ME3: variants seen among roughly 807,000 people sequenced by gnomAD.
The protein encoded by ME3 is NADP-dependent malic enzyme, mitochondrial.
A neutral mutation model predicts 68.9 loss-of-function variants in ME3; 48 were observed. That is an observed-to-expected ratio of 0.70 (90% CI 0.55 to 0.89). The LOEUF is 0.89. Among genes scored for constraint, ME3 ranks in the 40% least tolerant of loss-of-function variants. The probability of loss-of-function intolerance (pLI) is 0.00; values close to 1 mark genes in which losing one functional copy is unlikely to be tolerated. For missense variants in ME3, 675 were observed against 797.4 expected (o/e 0.85, Z 1.85); for synonymous variants, 320 against 318.8 (o/e 1.00, Z -0.04).
chr11:86,471,234 C>G (rs1950770449), intron 7 of ME3, among the ~76,000 whole-genome samples: 1 of 136,702 alleles, frequency 7.3e-6, no homozygotes, highest in Non-Finnish European at 1.5e-5. Context: ...CTCCCGGGTT[C>G]AAGCAATTCT....
chr11:86,630,399 G>C (rs1347314811), intron 2 of ME3, among the ~76,000 whole-genome samples: 5 of 152,172 alleles, frequency 3.3e-5, no homozygotes, highest in East Asian at 1.9e-4. Flanking sequence ...TTGGTCTCCA[G>C]AGCCTCTCCT....
At chr11:86,618,720 T>C (rs1447847662) in intron 2 of ME3, among the ~76,000 whole-genome samples, 1 of 114,370 alleles carries the variant, frequency 8.7e-6, no homozygotes, top group African/African-American at 3.2e-5. Context: ...AGATCTGGTC[T>C]TTTTTTTTTT....
chr11:86,508,716 A>G, intron 5 of ME3, 76 bp downstream of exon 5: 1 of 1,364,094 alleles, frequency 7.3e-7, no homozygotes, highest in Non-Finnish European at 1.0e-6. Context: ...CTCATTTTAT[A>G]GATGGAAATG....
At chr11:86,620,808 T>C (rs1943300229) in intron 2 of ME3, among the ~76,000 whole-genome samples, 1 of 152,224 alleles carries the variant, frequency 6.6e-6, no homozygotes, top group African/African-American at 2.4e-5. Flanking sequence ...TCAAATATTT[T>C]AAAATTCAGA....
At chr11:86,661,380 G>T (rs1306511671) in intron 2 of ME3, among the ~76,000 whole-genome samples, 7 of 152,218 alleles carry the variant, frequency 4.6e-5, no homozygotes, top group Non-Finnish European at 1.5e-5. Context: ...CAGGCATTGT[G>T]CAACACAAAA....
chr11:86,473,230 C>T (rs75939173), intron 7 of ME3, among the ~76,000 whole-genome samples: 10 of 152,152 alleles, frequency 6.6e-5, no homozygotes, highest in African/African-American at 1.4e-4. Flanking sequence ...CGCAATGGGC[C>T]GTGGTCGGGA....
At chr11:86,541,251 T>A (rs1328624085) in intron 4 of ME3, among the ~76,000 whole-genome samples, 1 of 152,130 alleles carries the variant, frequency 6.6e-6, no homozygotes, top group South Asian at 2.1e-4. Context: ...GGTGTTTTTT[T>A]TTTCATACCC....
intron 10 of ME3, among the ~76,000 whole-genome samples, 178 bp downstream of exon 10, chr11:86,449,711 T>C (rs568255567): frequency 1.3e-5 from 2 of 152,350 alleles, no homozygotes; most frequent in South Asian, 2.1e-4. Flanking sequence ...GTACAAACTT[T>C]TGGACAGAAG....
chr11:86,564,802 T>A (rs1466341433), intron 2 of ME3, among the ~76,000 whole-genome samples: 2 of 152,124 alleles, frequency 1.3e-5, no homozygotes, highest in Non-Finnish European at 2.9e-5. Flanking sequence ...TTCTTAGCTA[T>A]GACACCAAAA....
At chr11:86,555,553 G>A (rs1349305361) in intron 4 of ME3, among the ~76,000 whole-genome samples, 1 of 152,180 alleles carries the variant, frequency 6.6e-6, no homozygotes. Flanking sequence ...TGCTGCAACA[G>A]CCAGACACAC....
chr11:86,566,071 C>T (rs1957467153), intron 2 of ME3, among the ~76,000 whole-genome samples: 1 of 152,184 alleles, frequency 6.6e-6, no homozygotes, highest in African/African-American at 2.4e-5. Context: ...GGCACTGGAG[C>T]TCCTGAACAC....
intron 4 of ME3, among the ~76,000 whole-genome samples, chr11:86,534,759 C>T (rs1040439246): frequency 6.6e-6 from 1 of 152,166 alleles, no homozygotes; most frequent in Non-Finnish European, 1.5e-5. Context: ...CCTTATATCC[C>T]TATTCCATAG....
intron 6 of ME3, among the ~76,000 whole-genome samples, chr11:86,487,875 G>A (rs1041047062): frequency 3.3e-5 from 5 of 152,166 alleles, no homozygotes; most frequent in Admixed American, 6.5e-5. Context: ...TCGCAGTTGT[G>A]GCCATCAAAA....
chr11:86,526,230 A>C (rs867914863), intron 4 of ME3, among the ~76,000 whole-genome samples: 2 of 152,236 alleles, frequency 1.3e-5, no homozygotes, highest in Non-Finnish European at 2.9e-5. Context: ...TATCCCGTGC[A>C]TGGCTCGGAG....
intron 10 of ME3, among the ~76,000 whole-genome samples, chr11:86,448,963 T>G (rs1301476939): frequency 6.6e-6 from 1 of 151,736 alleles, no homozygotes; most frequent in Non-Finnish European, 1.5e-5. Context: ...GAGGGAAGAG[T>G]GGCTGTCTCT....
chr11:86,664,629 G>T (rs1482993494), intron 2 of ME3, among the ~76,000 whole-genome samples: 1 of 152,180 alleles, frequency 6.6e-6, no homozygotes. Flanking sequence ...GGGTCCTACA[G>T]AACAGTGGAA....
chr11:86,581,648 C>T (rs995999965), intron 2 of ME3, among the ~76,000 whole-genome samples: 6 of 152,122 alleles, frequency 3.9e-5, no homozygotes, highest in African/African-American at 1.4e-4. Context: ...CATTCATCTG[C>T]TTGCTGGCTA....
At chr11:86,457,893 T>A in intron 8 of ME3, 2 of 990,628 alleles carry the variant, frequency 2.0e-6, no homozygotes, top group Non-Finnish European at 2.6e-6. Context: ...ATGTAGTTTC[T>A]GCTTTTAATA....
chr11:86,648,008 G>A (rs1369042680), intron 2 of ME3, among the ~76,000 whole-genome samples: 1 of 152,218 alleles, frequency 6.6e-6, no homozygotes, highest in Non-Finnish European at 1.5e-5. Flanking sequence ...ATAATTGGAA[G>A]TAAAATACTC....
Sources: gnomAD v4.1 joint callset for allele counts (sites outside exome capture counted in the v4.1 genomes callset) on GRCh38, gnomAD v4.1.1 for gene constraint, MANE v1.5 for transcripts, NCBI Gene and HGNC (gene_info 2026-07-23, HGNC 2026-07-21) for gene names.